Variants in KSR2 observed in about 807,000 individuals in gnomAD.
The protein encoded by KSR2 is kinase suppressor of ras 2.
In KSR2, 25 loss-of-function variants were observed where a neutral mutation model predicts 107.8. The observed-to-expected ratio is 0.23, with a 90% CI of 0.17 to 0.32. KSR2 has a LOEUF of 0.32. Ranked by LOEUF, KSR2 falls within the 10% of genes least tolerant of loss-of-function variation. The probability of loss-of-function intolerance (pLI) is 1.00; values close to 1 mark genes in which losing one functional copy is unlikely to be tolerated. For synonymous variants in KSR2, 480 were observed against 507.0 expected, an observed-to-expected ratio of 0.95 and a Z score of 0.71; for missense variants, 887 against 1,268.9, an observed-to-expected ratio of 0.70 and a Z score of 4.57.
chr12:117,899,505 A>C (rs1307856380), intron 1 of KSR2, among the ~76,000 whole-genome samples: 2 of 152,168 alleles, frequency 1.3e-5, no homozygotes, highest in Non-Finnish European at 2.9e-5. Flanking sequence ...AAATTAGAAA[A>C]ATAAAAAATG....
intron 3 of KSR2, among the ~76,000 whole-genome samples, chr12:117,784,238 T>C (rs1332080142): frequency 6.6e-6 from 1 of 152,102 alleles, no homozygotes; most frequent in East Asian, 1.9e-4. Flanking sequence ...GTGGAGATGA[T>C]TGAATCATGG....
chr12:117,922,671 AAT>A (rs1195896247), intron 1 of KSR2, among the ~76,000 whole-genome samples: 1 of 152,184 alleles, frequency 6.6e-6, no homozygotes, highest in Non-Finnish European at 1.5e-5. Flanking sequence ...GCCAAACACA[AAT>A]ATTTAGAGCT....
At chr12:117,811,734 G>A (rs11068684) in intron 3 of KSR2, among the ~76,000 whole-genome samples, 1,803 of 152,304 alleles carry the variant, frequency 0.012, 36 homozygotes, top group African/African-American at 0.041. Context: ...GGAGGTCAGT[G>A]AAAGATAATA....
chr12:117,641,748 C>G (rs2136406044), intron 5 of KSR2, among the ~76,000 whole-genome samples: 2 of 152,186 alleles, frequency 1.3e-5, no homozygotes, highest in East Asian at 1.9e-4. Flanking sequence ...GCAGACTTAC[C>G]TGTCAGGTAG....
intron 5 of KSR2, among the ~76,000 whole-genome samples, chr12:117,641,384 G>A (rs1299501696): frequency 6.6e-6 from 1 of 152,084 alleles, no homozygotes; most frequent in Non-Finnish European, 1.5e-5. Context: ...TATTTTTCAA[G>A]GTGTCATCAG....
chr12:117,511,868 G>T (rs1428775376), intron 14 of KSR2, among the ~76,000 whole-genome samples: 5 of 152,184 alleles, frequency 3.3e-5, no homozygotes, highest in African/African-American at 1.2e-4. Context: ...TGCATTTCCT[G>T]TCTCAGCGAC....
chr12:117,882,840 T>C (rs2137326531), intron 1 of KSR2, among the ~76,000 whole-genome samples: 1 of 151,894 alleles, frequency 6.6e-6, no homozygotes, highest in East Asian at 1.9e-4. Flanking sequence ...CATTTATTCA[T>C]CCATCCATCC....
intron 19 of KSR2, chr12:117,467,913 T>TTTCTGGC: frequency 4.9e-6 from 1 of 205,830 alleles, no homozygotes; most frequent in Non-Finnish European, 8.3e-6. Context: ...TAGACCACAG[T>TTTCTGGC]CCTGTGTTTT....
Position 117,454,184 on chromosome 12 carries a change from T to C in KSR2, c.*13015A>G, listed in dbSNP as rs1592888474. 6.6e-6 allele frequency: 1 copy of C among 152,316 alleles called. No homozygotes were observed. Among genetic ancestry groups the C allele is most frequent in the East Asian group, 1.9e-4 (1 of 5,186 alleles). The allele number at this position is 152,316 out of a possible 1,614,324, so 9.4% of individuals were successfully genotyped here. A position where few individuals can be genotyped will look rare whatever the true frequency, so the allele number is the denominator to read the frequency against. ...TGTGCCAGGTATTGCGTAACGTTAT[T>C]GACATTCATTATTTCATTCACTCCC... On this transcript the variant is annotated 3_prime_UTR_variant, in exon 20 of 20. Coordinates refer to ENST00000339824, the MANE Select transcript of KSR2 (RefSeq NM_173598.6).
chr12:117,662,328 A>G (rs1468569831), intron 5 of KSR2, among the ~76,000 whole-genome samples: 1 of 152,148 alleles, frequency 6.6e-6, no homozygotes, highest in African/African-American at 2.4e-5. Flanking sequence ...CTTGGCCTTA[A>G]GCCTCATTAA....
Position 117,706,147 on chromosome 12 carries a change from A to G in KSR2, c.987-38489T>C, listed in dbSNP as rs566709512. On this transcript the variant is annotated intron_variant, in intron 4 of 19. Transcript: ENST00000339824. ...CAATCTCTGCCCCGCGGGTTCAAAC[A>G]ATTCTCCTGCCTCGGCCTCCCAAGT... Among the ~76,000 whole-genome samples the G allele has an allele frequency of 1.2e-3, 174 of 150,122 alleles. 1 individual carries two copies. The highest frequency in any genetic ancestry group is 2.0e-3 in the Non-Finnish European group (136 of 67,714).
At chr12:117,794,928 A>C (rs1890568975) in intron 3 of KSR2, among the ~76,000 whole-genome samples, 1 of 152,226 alleles carries the variant, frequency 6.6e-6, no homozygotes, top group Non-Finnish European at 1.5e-5. Context: ...AAGGGACAGA[A>C]AGAGACAGCC....
chr12:117,731,473 C>T (rs1887703047), intron 4 of KSR2, among the ~76,000 whole-genome samples: 1 of 151,216 alleles, frequency 6.6e-6, no homozygotes, highest in South Asian at 2.1e-4. Context: ...GCGCCTCTGC[C>T]CGGCCGCCCC....
chr12:117,688,230 A>C (rs905690100), intron 4 of KSR2, among the ~76,000 whole-genome samples: 2 of 152,182 alleles, frequency 1.3e-5, no homozygotes, highest in East Asian at 3.9e-4. Context: ...AAATACAAAA[A>C]CTGGCCAGGA....
chr12:117,966,192 G>A (rs1451491462), intron 1 of KSR2, among the ~76,000 whole-genome samples: 2 of 152,102 alleles, frequency 1.3e-5, no homozygotes, highest in Non-Finnish European at 2.9e-5. Flanking sequence ...GCTATCAGAG[G>A]ATGGAGCATG....
chr12:117,515,654 G>A (rs991499744), intron 14 of KSR2, among the ~76,000 whole-genome samples: 4 of 152,196 alleles, frequency 2.6e-5, no homozygotes, highest in African/African-American at 7.2e-5. Flanking sequence ...GGCCAGGCAC[G>A]GTGGCTCACG....
chr12:117,954,458 C>T (rs953603145), intron 1 of KSR2, among the ~76,000 whole-genome samples: 2 of 152,228 alleles, frequency 1.3e-5, no homozygotes, highest in Admixed American at 1.3e-4. Flanking sequence ...AAGATCCAGA[C>T]GGAGTGTCAG....
intron 3 of KSR2, among the ~76,000 whole-genome samples, chr12:117,786,074 A>G (rs1372055829): frequency 1.3e-5 from 2 of 152,226 alleles, no homozygotes; most frequent in Non-Finnish European, 1.5e-5. Context: ...CATTAAAAAA[A>G]CAATAATGAT....
intron 5 of KSR2, among the ~76,000 whole-genome samples, chr12:117,617,762 G>T (rs1462212647): frequency 6.6e-6 from 1 of 152,148 alleles, no homozygotes; most frequent in Non-Finnish European, 1.5e-5. Flanking sequence ...CTTCATTGTG[G>T]TAGCATTTAT....
Sources: allele counts gnomAD v4.1 joint callset (sites outside exome capture counted in the v4.1 genomes callset), GRCh38; gene constraint gnomAD v4.1.1; transcripts MANE v1.5; gene names NCBI Gene and HGNC (gene_info 2026-07-23, HGNC 2026-07-21).